RPH3A: variants seen among roughly 807,000 people sequenced by gnomAD.
RPH3A encodes the protein rabphilin-3A.
In RPH3A, 48 loss-of-function variants were observed where a neutral mutation model predicts 102.2. The observed-to-expected ratio is 0.47, with a 90% CI of 0.37 to 0.60. RPH3A has a LOEUF of 0.60. Among genes scored for constraint, RPH3A ranks in the 20% least tolerant of loss-of-function variants. RPH3A has a pLI of 0.00. For missense variants in RPH3A, 781 were observed against 910.1 expected, an observed-to-expected ratio of 0.86 and a Z score of 1.83; for synonymous variants, 310 against 324.3, an observed-to-expected ratio of 0.96 and a Z score of 0.47.
chr12:112,862,012 CAAAAAA>C (rs56918360), intron 5 of RPH3A, among the ~76,000 whole-genome samples: 5 of 78,480 alleles, frequency 6.4e-5, no homozygotes, highest in African/African-American at 2.5e-4. Context: ...GACTCCGTCT[CAAAAAA>C]AAAAAAAAAA....
intron 1 of RPH3A, among the ~76,000 whole-genome samples, chr12:112,652,475 A>T (rs1245988468): frequency 6.6e-6 from 1 of 152,154 alleles, no homozygotes; most frequent in African/African-American, 2.4e-5. Flanking sequence ...GTTTCTCAAA[A>T]ACAACAAAAC....
intron 1 of RPH3A, among the ~76,000 whole-genome samples, chr12:112,688,131 G>A (rs2040280591): frequency 6.6e-6 from 1 of 152,162 alleles, no homozygotes. Context: ...TTAACGTGTT[G>A]TTGAAAGAAC....
chr12:112,737,830 C>T (rs1448911739), intron 1 of RPH3A, among the ~76,000 whole-genome samples: 4 of 152,178 alleles, frequency 2.6e-5, no homozygotes, highest in Non-Finnish European at 5.9e-5. Flanking sequence ...AAGTGTTGTC[C>T]ATGACCGGTG....
chr12:112,850,715 G>C (rs1039594609), intron 5 of RPH3A: 1 of 152,228 alleles, frequency 6.6e-6, no homozygotes, highest in African/African-American at 2.4e-5. Context: ...GGGGATCAGA[G>C]AAGAGTCAGA....
rs74984695 is a variant in RPH3A, at chr12:112,870,329, A to C, written c.796+290A>C. Among the ~76,000 whole-genome samples, 600 of 149,250 alleles carry C rather than the reference A, an allele frequency of 4.0e-3. 5 individuals are homozygous for C. Among genetic ancestry groups the C allele is most frequent in the African/African-American group, 0.014 (549 of 40,436 alleles). ...CCGCCTCAAAAAAAAAAAAAAAAAA[A>C]CCCTGGGGGAAAAATGCCCCTAGGC... On this transcript the variant is annotated intron_variant, in intron 10 of 21. Transcript: ENST00000389385.
Position 112,897,463 on chromosome 12 carries a change from C to CA in RPH3A, c.*689dup, listed in dbSNP as rs1200077517. 1 of 152,450 alleles carries CA rather than the reference C, an allele frequency of 6.6e-6. No individual in the cohort carries two copies. Among genetic ancestry groups the CA allele is most frequent in the Non-Finnish European group, 1.5e-5 (1 of 68,224 alleles). The allele number at this position is 152,450 out of a possible 1,614,324, so 9.4% of individuals were successfully genotyped here. A position where few individuals can be genotyped will look rare whatever the true frequency, so the allele number is the denominator to read the frequency against. On this transcript the variant is annotated 3_prime_UTR_variant, in exon 22 of 22. Transcript: ENST00000389385. ...GCAAAACAAAAACAAACGACAACAA[C>CA]AAAAAACCCTTCCTCTGTCACCTTT... is the stretch of plus-strand genomic sequence containing the variant.
intron 1 of RPH3A, among the ~76,000 whole-genome samples, chr12:112,732,003 G>A (rs767518925): frequency 2.0e-5 from 3 of 152,164 alleles, no homozygotes; most frequent in Non-Finnish European, 2.9e-5. Context: ...TTCCAGCTTC[G>A]ATCAGATAAC....
At chr12:112,824,158 G>C (rs375963555) in intron 2 of RPH3A, among the ~76,000 whole-genome samples, 2 of 152,214 alleles carry the variant, frequency 1.3e-5, no homozygotes, top group South Asian at 4.1e-4. Context: ...CTAGGCGAGG[G>C]CGTGGCTTCA....
intron 4 of RPH3A, among the ~76,000 whole-genome samples, chr12:112,839,567 G>T (rs902541954): frequency 6.6e-6 from 1 of 152,200 alleles, no homozygotes; most frequent in African/African-American, 2.4e-5. Context: ...TGATGACAGG[G>T]TATAAGAGTA....
chr12:112,790,062 CT>C (rs74928491), upstream of RPH3A, among the ~76,000 whole-genome samples: 38 of 145,566 alleles, frequency 2.6e-4, no homozygotes, highest in Non-Finnish European at 2.1e-4. Context: ...CTGTCTTTTT[CT>C]TTTTTTTTTT....
intron 1 of RPH3A, among the ~76,000 whole-genome samples, chr12:112,625,633 CAAGGT>C (rs1172553643): frequency 9.6e-6 from 1 of 104,596 alleles, no homozygotes; most frequent in East Asian, 3.2e-4. Context: ...CCATACTGCC[CAAGGT>C]AATTTATAGA....
At chr12:112,807,923 A>G (rs927471927) in intron 2 of RPH3A, among the ~76,000 whole-genome samples, 1 of 151,866 alleles carries the variant, frequency 6.6e-6, no homozygotes, top group Non-Finnish European at 1.5e-5. Context: ...TCCATCATCT[A>G]TTTCCCCCCA....
At chr12:112,806,453 G>A (rs907638832) in intron 2 of RPH3A, among the ~76,000 whole-genome samples, 1 of 152,138 alleles carries the variant, frequency 6.6e-6, no homozygotes, top group East Asian at 1.9e-4. Context: ...TGGCCAACAC[G>A]GTGAAACTCT....
rs190883846 is a variant in RPH3A, at chr12:112,587,573, G to C, written c.-140+12254G>C. The stretch of plus-strand genomic sequence containing the variant: ...TCCCTCTGCTTGAAATGTTTGTCTT[G>C]TGTGGTTGGCTCTCTTATTTCATTC... On this transcript the variant is annotated intron_variant, in intron 1 of 21. Transcript: ENST00000543106. Among the ~76,000 whole-genome samples, 239 of 152,294 alleles carry C rather than the reference G, an allele frequency of 1.6e-3. 1 individual carries two copies. The highest frequency in any genetic ancestry group is 5.5e-3 in the African/African-American group (228 of 41,562).
At chr12:112,796,810 G>A (rs1454222952) in intron 2 of RPH3A, among the ~76,000 whole-genome samples, 3 of 152,242 alleles carry the variant, frequency 2.0e-5, no homozygotes, top group Admixed American at 6.5e-5. Flanking sequence ...AGCCCTTTGG[G>A]AGGCCAAGGT....
intron 1 of RPH3A, among the ~76,000 whole-genome samples, chr12:112,762,964 A>G (rs573754774): frequency 5.9e-5 from 9 of 152,302 alleles, no homozygotes; most frequent in Admixed American, 2.0e-4. Flanking sequence ...AATCAGAGGG[A>G]CTGAGAGTGG....
rs12177 is a variant in RPH3A at position 112,897,620 on chromosome 12, A to C, written c.*840A>C. 3 of 151,920 alleles carry C rather than the reference A, an allele frequency of 2.0e-5. No individual in the cohort carries two copies. Among genetic ancestry groups the C allele is most frequent in the African/African-American group, 7.3e-5 (3 of 41,350 alleles). 9.4% of individuals were successfully genotyped at this position (151,920 alleles called of 1,614,324 possible). The stretch of plus-strand genomic sequence containing the variant: ...TCTAAAGCAGTAACACCGCAAAAAC[A>C]ACAGCAAAAAAAGTGTATGTTAACC... On this transcript the variant is annotated 3_prime_UTR_variant, in exon 22 of 22. Transcript: ENST00000389385.
chr12:112,690,191 C>T (rs1200230020), intron 1 of RPH3A, among the ~76,000 whole-genome samples: 2 of 152,162 alleles, frequency 1.3e-5, no homozygotes, highest in Non-Finnish European at 2.9e-5. Context: ...AAACATAAAA[C>T]ATCATAATCT....
intron 4 of RPH3A, among the ~76,000 whole-genome samples, chr12:112,847,360 G>A (rs1215373464): frequency 2.0e-5 from 3 of 152,122 alleles, no homozygotes; most frequent in East Asian, 1.9e-4. Flanking sequence ...GGTCAACCTG[G>A]GACCCAGGAC....
Sources: allele counts gnomAD v4.1 joint callset (sites outside exome capture counted in the v4.1 genomes callset), GRCh38; gene constraint gnomAD v4.1.1; transcripts MANE v1.5; gene names NCBI Gene and HGNC (gene_info 2026-07-23, HGNC 2026-07-21).